The following LRRTM4 variants were observed in gnomAD, a reference collection of about 807,000 sequenced individuals.
The protein encoded by LRRTM4 is leucine-rich repeat transmembrane neuronal protein 4.
A neutral mutation model predicts 47.6 loss-of-function variants in LRRTM4; 25 were observed. The ratio of observed to expected loss-of-function variants is 0.53; its 90% CI spans 0.38 to 0.73. The LOEUF is 0.73. Among genes scored for constraint, LRRTM4 ranks in the 30% least tolerant of loss-of-function variants. The pLI, the probability that LRRTM4 is intolerant of heterozygous loss-of-function variation, is 0.00. For synonymous variants in LRRTM4, 311 were observed against 269.5 expected (o/e 1.15, Z -1.51); for missense variants, 638 against 713.4 (o/e 0.89, Z 1.20).
intron 3 of LRRTM4, among the ~76,000 whole-genome samples, chr2:77,129,629 A>C (rs1477784903): frequency 1.3e-5 from 2 of 152,218 alleles, no homozygotes; most frequent in Non-Finnish European, 2.9e-5. Flanking sequence ...TCTACTTTAC[A>C]AATGAGAATG....
chr2:76,990,620 C>G (rs1312452307), intron 3 of LRRTM4, among the ~76,000 whole-genome samples: 1 of 151,760 alleles, frequency 6.6e-6, no homozygotes, highest in East Asian at 1.9e-4. Context: ...TACATATGCA[C>G]TCAACATTGG....
intron 3 of LRRTM4, among the ~76,000 whole-genome samples, chr2:76,795,578 TGCACACACACAC>T (rs1675248064): frequency 1.0e-5 from 1 of 98,874 alleles, no homozygotes; most frequent in Non-Finnish European, 1.9e-5. Context: ...TGCATATATA[TGCACACACACAC>T]ATACACACAC....
chr2:77,360,546 ATT>A (rs1558706361), intron 3 of LRRTM4, among the ~76,000 whole-genome samples: 2 of 136,914 alleles, frequency 1.5e-5, no homozygotes, highest in Non-Finnish European at 3.1e-5. Context: ...CAATACAATC[ATT>A]CATACATACA....
At chr2:76,771,550 G>A (rs1246964326) in intron 3 of LRRTM4, among the ~76,000 whole-genome samples, 1 of 151,606 alleles carries the variant, frequency 6.6e-6, no homozygotes, top group Non-Finnish European at 1.5e-5. Context: ...CTGAGGCTGA[G>A]CACTGCCTTT....
chr2:77,076,350 T>C (rs941160227), intron 3 of LRRTM4, among the ~76,000 whole-genome samples: 1 of 152,192 alleles, frequency 6.6e-6, no homozygotes, highest in African/African-American at 2.4e-5. Context: ...CTTTAAGGAA[T>C]GTATCATCAA....
chr2:76,781,887 G>T (rs532941660), intron 3 of LRRTM4, among the ~76,000 whole-genome samples: 4 of 152,042 alleles, frequency 2.6e-5, no homozygotes, highest in South Asian at 4.2e-4. Context: ...TTCACAAATT[G>T]TATCTGAAAA....
intron 3 of LRRTM4, among the ~76,000 whole-genome samples, chr2:77,428,893 A>G (rs1373172254): frequency 6.6e-6 from 1 of 152,234 alleles, no homozygotes; most frequent in African/African-American, 2.4e-5. Context: ...TTTTAAGCAC[A>G]TAGTGTGCTG....
At chr2:77,327,488 A>G (rs1020505486) in intron 3 of LRRTM4, among the ~76,000 whole-genome samples, 12 of 152,310 alleles carry the variant, frequency 7.9e-5, no homozygotes, top group Admixed American at 5.9e-4. Flanking sequence ...TTCCTTTGGC[A>G]TGGTACATTT....
chr2:77,144,339 C>G (rs186676869), intron 3 of LRRTM4, among the ~76,000 whole-genome samples: 1 of 151,834 alleles, frequency 6.6e-6, no homozygotes, highest in Admixed American at 6.6e-5. Context: ...GGCCACAGAC[C>G]TTTTCTTGAA....
chr2:77,222,627 A>T (rs10205155), intron 3 of LRRTM4, among the ~76,000 whole-genome samples: 2 of 151,956 alleles, frequency 1.3e-5, no homozygotes, highest in South Asian at 2.1e-4. Flanking sequence ...TAAATTCCTC[A>T]ACACATACAC....
At chr2:77,421,057 G>C (rs1167505518) in intron 3 of LRRTM4, among the ~76,000 whole-genome samples, 2 of 151,564 alleles carry the variant, frequency 1.3e-5, no homozygotes, top group East Asian at 4.0e-4. Flanking sequence ...AGGAAACAAG[G>C]CCACTAGAGG....
chr2:77,236,961 CA>C (rs1411254510), intron 3 of LRRTM4, among the ~76,000 whole-genome samples: 1 of 151,542 alleles, frequency 6.6e-6, no homozygotes, highest in African/African-American at 2.4e-5. Context: ...TTTTGTTTAT[CA>C]GGGGTATTGG....
chr2:77,282,422 C>A (rs140589864), intron 3 of LRRTM4, among the ~76,000 whole-genome samples: 1 of 151,562 alleles, frequency 6.6e-6, no homozygotes, highest in Non-Finnish European at 1.5e-5. Flanking sequence ...CATTTGGACG[C>A]CTTTTATTTA....
chr2:76,962,398 C>A (rs1436889476), intron 3 of LRRTM4, among the ~76,000 whole-genome samples: 1 of 150,910 alleles, frequency 6.6e-6, no homozygotes, highest in Non-Finnish European at 1.5e-5. Context: ...TTTCTCATGC[C>A]TCAATTTTTG....
At chr2:76,848,482 A>G (rs1671898973) in intron 3 of LRRTM4, among the ~76,000 whole-genome samples, 2 of 152,102 alleles carry the variant, frequency 1.3e-5, no homozygotes, top group Non-Finnish European at 2.9e-5. Context: ...GGATATTTTG[A>G]CATTTTTCAA....
At chr2:77,212,255 TAG>T (rs1459859745) in intron 3 of LRRTM4, among the ~76,000 whole-genome samples, 4 of 144,190 alleles carry the variant, frequency 2.8e-5, no homozygotes, top group African/African-American at 1.1e-4. Context: ...CATATTTTGA[TAG>T]AGTTTCTGAG....
intron 3 of LRRTM4, among the ~76,000 whole-genome samples, chr2:76,890,595 A>G (rs1239481771): frequency 1.3e-5 from 2 of 152,028 alleles, no homozygotes; most frequent in Non-Finnish European, 2.9e-5. Flanking sequence ...AGAAAAAAAT[A>G]GCAAATGGCT....
intron 3 of LRRTM4, among the ~76,000 whole-genome samples, chr2:77,399,061 C>T (rs1673829526): frequency 1.3e-5 from 2 of 151,624 alleles, no homozygotes; most frequent in Non-Finnish European, 2.9e-5. Context: ...ATGTAAGTCC[C>T]CTCAATAAAC....
At chr2:77,496,918 C>A (rs1232154374) in intron 3 of LRRTM4, among the ~76,000 whole-genome samples, 1 of 151,602 alleles carries the variant, frequency 6.6e-6, no homozygotes, top group Non-Finnish European at 1.5e-5. Flanking sequence ...AGTGTTGCCA[C>A]CTACACCTAG....
Sources: allele counts gnomAD v4.1 joint callset (sites outside exome capture counted in the v4.1 genomes callset), GRCh38; gene constraint gnomAD v4.1.1; transcripts MANE v1.5; gene names NCBI Gene and HGNC (gene_info 2026-07-23, HGNC 2026-07-21).